The following SHISA9 variants were observed in gnomAD, a reference collection of about 807,000 sequenced individuals.
SHISA9 encodes shisa family member 9, also known as protein shisa-9.
In SHISA9, 13 loss-of-function variants were observed where a neutral mutation model predicts 38.0. The ratio of observed to expected loss-of-function variants is 0.34; its 90% CI spans 0.22 to 0.54. The LOEUF (loss-of-function observed/expected upper bound fraction) is 0.54. Ranked by LOEUF, SHISA9 falls within the 20% of genes least tolerant of loss-of-function variation. The pLI is 0.91. For synonymous variants in SHISA9, 275 were observed against 242.0 expected (o/e 1.14, Z -1.27); for missense variants, 538 against 575.8 (o/e 0.93, Z 0.67).
intron 2 of SHISA9, among the ~76,000 whole-genome samples, chr16:13,022,223 C>G (rs916086830): frequency 6.6e-6 from 1 of 152,148 alleles, no homozygotes; most frequent in East Asian, 1.9e-4. Context: ...TCAATCACAG[C>G]TCACTGCAGC....
At chr16:13,558,584 G>A in the SHISA9 span, among the ~76,000 whole-genome samples, 1 of 152,152 alleles carries the variant, frequency 6.6e-6, no homozygotes, top group African/African-American at 2.4e-5. Context: ...CTAACACTGA[G>A]CTCACAGTCA....
the SHISA9 span, among the ~76,000 whole-genome samples, chr16:13,508,971 T>C: frequency 1.3e-5 from 2 of 152,174 alleles, no homozygotes; most frequent in African/African-American, 4.8e-5. Context: ...GAGCAATTCA[T>C]TATCAAGGAT....
the SHISA9 span, among the ~76,000 whole-genome samples, chr16:13,433,997 C>T: frequency 1.3e-5 from 2 of 152,164 alleles, no homozygotes; most frequent in Non-Finnish European, 2.9e-5. Flanking sequence ...CCATAATAAG[C>T]CGTCTGCAAA....
intron 2 of SHISA9, among the ~76,000 whole-genome samples, chr16:13,043,427 G>A (rs2073154127): frequency 6.6e-6 from 1 of 152,122 alleles, no homozygotes; most frequent in Non-Finnish European, 1.5e-5. Flanking sequence ...GGGTATTTGT[G>A]GTTTCTCTAT....
the SHISA9 span, among the ~76,000 whole-genome samples, chr16:13,294,291 G>T: frequency 6.6e-6 from 1 of 152,158 alleles, no homozygotes; most frequent in African/African-American, 2.4e-5. Context: ...CCCCAGGATG[G>T]GTTCAGCACA....
At chr16:12,914,604 GCAGCTGTT>G (rs1567337182) in intron 1 of SHISA9, among the ~76,000 whole-genome samples, 1 of 151,900 alleles carries the variant, frequency 6.6e-6, no homozygotes, top group Non-Finnish European at 1.5e-5. Context: ...TTCTCACAAC[GCAGCTGTT>G]GTGAGAAGCA....
intron 3 of SHISA9, chr16:13,204,927 G>A (rs73507140): frequency 6.6e-6 from 1 of 152,216 alleles, no homozygotes; most frequent in South Asian, 2.1e-4. Flanking sequence ...ACATGAGGGG[G>A]TGTGATAGTT....
the SHISA9 span, among the ~76,000 whole-genome samples, chr16:13,349,555 T>C: frequency 5.3e-5 from 8 of 152,254 alleles, no homozygotes; most frequent in African/African-American, 1.9e-4. Flanking sequence ...CTGGCAGTTG[T>C]AGCATTTCTG....
chr16:13,457,546 G>T, the SHISA9 span, among the ~76,000 whole-genome samples: 1 of 151,810 alleles, frequency 6.6e-6, no homozygotes, highest in South Asian at 2.1e-4. Context: ...AGTTTTGAAT[G>T]ACTCCCTTTA....
At chr16:12,948,093 C>T (rs2071709973) in intron 2 of SHISA9, among the ~76,000 whole-genome samples, 1 of 152,090 alleles carries the variant, frequency 6.6e-6, no homozygotes, top group South Asian at 2.1e-4. Context: ...CAATTGTGTG[C>T]CAGGATTTGT....
the SHISA9 span, among the ~76,000 whole-genome samples, chr16:13,263,026 T>A: frequency 6.6e-6 from 1 of 152,152 alleles, no homozygotes; most frequent in African/African-American, 2.4e-5. Context: ...TCTGTTTACT[T>A]GCCTTAAATT....
chr16:13,171,136 C>A (rs184609567), intron 2 of SHISA9, among the ~76,000 whole-genome samples: 1 of 152,066 alleles, frequency 6.6e-6, no homozygotes, highest in East Asian at 1.9e-4. Context: ...GGCAAGAGAG[C>A]CAACAAGAGA....
At chr16:13,078,008 G>A (rs1263255627) in intron 2 of SHISA9, among the ~76,000 whole-genome samples, 3 of 152,142 alleles carry the variant, frequency 2.0e-5, no homozygotes, top group African/African-American at 7.2e-5. Flanking sequence ...AGAAATCCCA[G>A]GGGACTGGCT....
the SHISA9 span, among the ~76,000 whole-genome samples, chr16:13,248,964 T>G: frequency 5.5e-4 from 84 of 152,308 alleles, no homozygotes; most frequent in African/African-American, 2.0e-3. Flanking sequence ...TTCATTCTTA[T>G]GTGCCTATGA....
intron 2 of SHISA9, among the ~76,000 whole-genome samples, chr16:13,058,751 T>TTGTGTGTGTGTGTGTG (rs57415975): frequency 2.8e-5 from 4 of 144,946 alleles, no homozygotes; most frequent in African/African-American, 7.6e-5. Flanking sequence ...TGTGGTGTAT[T>TTGTGTGTGTGTGTGTG]TGTGTGTGTG....
the SHISA9 span, among the ~76,000 whole-genome samples, chr16:13,309,821 A>G: frequency 7.8e-4 from 119 of 152,202 alleles, 2 homozygotes; most frequent in East Asian, 0.022. Flanking sequence ...AACAACAAAC[A>G]AACAAAAAAC....
At chr16:13,147,549 C>T (rs943360642) in intron 2 of SHISA9, among the ~76,000 whole-genome samples, 7 of 150,780 alleles carry the variant, frequency 4.6e-5, no homozygotes, top group Non-Finnish European at 7.4e-5. Context: ...CTGCAACCTC[C>T]GCCTGCAGGC....
chr16:13,181,783 A>C (rs1358735096), intron 2 of SHISA9, among the ~76,000 whole-genome samples: 2 of 151,982 alleles, frequency 1.3e-5, no homozygotes, highest in African/African-American at 4.8e-5. Context: ...AAGGGGGATA[A>C]ATTTGAAAAA....
intron 2 of SHISA9, among the ~76,000 whole-genome samples, chr16:13,174,734 C>G (rs1020160986): frequency 6.6e-6 from 1 of 152,148 alleles, no homozygotes; most frequent in Non-Finnish European, 1.5e-5. Flanking sequence ...ATGAAATGAT[C>G]TCTCTCTTGC....
Sources: gnomAD v4.1 joint callset for allele counts (sites outside exome capture counted in the v4.1 genomes callset) on GRCh38, gnomAD v4.1.1 for gene constraint, MANE v1.5 for transcripts, NCBI Gene and HGNC (gene_info 2026-07-23, HGNC 2026-07-21) for gene names.